The following ZFHX4 variants were observed in gnomAD, a reference collection of about 807,000 sequenced individuals.
ZFHX4 encodes the protein zinc finger homeobox 4.
Under a neutral mutation model 267.6 loss-of-function variants are expected in ZFHX4, and 56 were observed. That is an observed-to-expected ratio of 0.21 (90% CI 0.17 to 0.26). The LOEUF is 0.26. Ranked by LOEUF, ZFHX4 falls within the 10% of genes least tolerant of loss-of-function variation. The pLI, the probability that ZFHX4 is intolerant of heterozygous loss-of-function variation, is 1.00. For synonymous variants in ZFHX4, 1,778 were observed against 1,665.6 expected, an observed-to-expected ratio of 1.07 and a Z score of -1.64; for missense variants, 4,332 against 4,420.0, an observed-to-expected ratio of 0.98 and a Z score of 0.56.
At chr8:76,862,146 T>C (rs186301836) in intron 10 of ZFHX4, among the ~76,000 whole-genome samples, 286 of 152,316 alleles carry the variant, frequency 1.9e-3, no homozygotes, top group African/African-American at 6.1e-3. Context: ...ATCTAGCTCA[T>C]AAAAATGGCT....
chr8:76,793,004 C>A (rs553613871), intron 4 of ZFHX4, among the ~76,000 whole-genome samples: 2 of 152,122 alleles, frequency 1.3e-5, no homozygotes, highest in African/African-American at 2.4e-5. Context: ...CTGACTCCAG[C>A]CATTACTGAA....
intron 6 of ZFHX4, among the ~76,000 whole-genome samples, chr8:76,846,109 A>T (rs1395828212): frequency 6.6e-6 from 1 of 151,992 alleles, no homozygotes; most frequent in Admixed American, 6.6e-5. Context: ...TAGAAAAGAG[A>T]CCCCAGAGTT....
chr8:76,811,376 T>A lies in ZFHX4; in HGVS notation c.3326-21962T>A, dbSNP rs189612976. 7.9e-5 allele frequency among the ~76,000 whole-genome samples: 12 copies of A among 152,364 alleles called. No homozygotes were observed. The East Asian group carries it at 2.1e-3, about 27-fold the overall frequency. On this transcript the variant is annotated intron_variant, in intron 4 of 10. Coordinates refer to ENST00000651372, the MANE Select transcript of ZFHX4 (RefSeq NM_024721.5). ...ATAACTAATGTGCACTATTTGACTG[T>A]CCATGTATGTATGAGGTTGTACTAC...
At chr8:76,712,380 A>G (rs1808449024) in intron 3 of ZFHX4, among the ~76,000 whole-genome samples, 1 of 152,222 alleles carries the variant, frequency 6.6e-6, no homozygotes, top group Non-Finnish European at 1.5e-5. Context: ...AATTAGGTTC[A>G]TCTACCTTTT....
intron 3 of ZFHX4, among the ~76,000 whole-genome samples, chr8:76,738,336 T>G (rs535211061): frequency 6.8e-4 from 104 of 152,240 alleles, no homozygotes; most frequent in Middle Eastern, 3.4e-3. Context: ...ACATCATTAT[T>G]CAGTAAGTGT....
intron 4 of ZFHX4, among the ~76,000 whole-genome samples, chr8:76,821,338 G>GT (rs975748004): frequency 6.6e-6 from 1 of 152,060 alleles, no homozygotes; most frequent in Non-Finnish European, 1.5e-5. Flanking sequence ...GACATCTCCA[G>GT]TTTTTTCATC....
intron 3 of ZFHX4, among the ~76,000 whole-genome samples, chr8:76,770,941 C>CAG (rs1393334739): frequency 6.6e-6 from 1 of 152,088 alleles, no homozygotes; most frequent in Non-Finnish European, 1.5e-5. Flanking sequence ...CATCATCATG[C>CAG]AGGGCCCTTA....
chr8:76,723,723 A>G (rs1808782494), intron 3 of ZFHX4, among the ~76,000 whole-genome samples: 1 of 151,980 alleles, frequency 6.6e-6, no homozygotes, highest in Non-Finnish European at 1.5e-5. Context: ...AAAGCATTAA[A>G]CATATACTCA....
intron 3 of ZFHX4, among the ~76,000 whole-genome samples, chr8:76,751,895 C>T (rs1372012094): frequency 2.0e-5 from 3 of 152,060 alleles, no homozygotes; most frequent in African/African-American, 4.8e-5. Context: ...GGTCATCAAC[C>T]GCATGCAAGG....
At position 76,706,655 on chromosome 8, in the gene ZFHX4, C is replaced by A; in HGVS notation, c.2567C>A (p.Ala856Glu). 1 of 1,593,512 alleles carries A rather than the reference C, an allele frequency of 6.3e-7. No homozygotes were observed. The highest frequency in any genetic ancestry group is 8.5e-7 in the Non-Finnish European group (1 of 1,172,002). ...CCATTCCAGCTGGATCCAGCGACAGCAGCGGCTTTGGCACCAGGGCTCGGT... is the reference window on the plus strand; with the variant it reads ...CCATTCCAGCTGGATCCAGCGACAGAAGCGGCTTTGGCACCAGGGCTCGGT... ...INPFQLDPAT[A>E]AALAPGLVNN... is the part of the protein sequence containing the mutation. Residue 856 changes from alanine (A) to glutamate (E), a missense_variant, in exon 2 of 11, where the codon GCA becomes GAA. Transcript: ENST00000651372.
intron 3 of ZFHX4, among the ~76,000 whole-genome samples, chr8:76,772,567 A>G (rs1349950662): frequency 6.6e-6 from 1 of 152,006 alleles, no homozygotes; most frequent in Non-Finnish European, 1.5e-5. Flanking sequence ...TTTTGACTGT[A>G]TTTTGACTCC....
chr8:76,767,509 T>C (rs1810082608), intron 3 of ZFHX4, among the ~76,000 whole-genome samples: 2 of 152,258 alleles, frequency 1.3e-5, no homozygotes, highest in South Asian at 2.1e-4. Context: ...ATTGAAGTCA[T>C]CTTAGAGACC....
intron 5 of ZFHX4, among the ~76,000 whole-genome samples, chr8:76,838,180 G>T (rs1052341663): frequency 6.6e-6 from 1 of 152,170 alleles, no homozygotes; most frequent in Admixed American, 6.5e-5. Flanking sequence ...TTGAACGGTG[G>T]TTACAAAATG....
intron 10 of ZFHX4, among the ~76,000 whole-genome samples, 180 bp from the exon 11 acceptor site, chr8:76,862,914 T>A (rs1402045928): frequency 6.6e-6 from 1 of 152,158 alleles, no homozygotes; most frequent in East Asian, 1.9e-4. Context: ...AGAAATATTA[T>A]AAACACAGGA....
chr8:76,702,940 C>G (rs1311160451), intron 1 of ZFHX4, among the ~76,000 whole-genome samples: 2 of 151,376 alleles, frequency 1.3e-5, no homozygotes, highest in African/African-American at 4.9e-5. Flanking sequence ...ACTGCTATTA[C>G]AGTAGCTGAG....
intron 4 of ZFHX4, 150 bp from the exon 5 acceptor site, chr8:76,833,188 C>G (rs970388489): frequency 1.5e-5 from 9 of 586,912 alleles, no homozygotes; most frequent in African/African-American, 5.7e-5. Flanking sequence ...CTGCTGCTCA[C>G]TAGGATATAA....
intron 3 of ZFHX4, among the ~76,000 whole-genome samples, chr8:76,743,196 A>C (rs1203003001): frequency 6.6e-6 from 1 of 152,196 alleles, no homozygotes; most frequent in Non-Finnish European, 1.5e-5. Flanking sequence ...TCAGGCCTTC[A>C]GATTGAATCT....
chr8:76,751,882 G>A (rs2131707865), intron 3 of ZFHX4, among the ~76,000 whole-genome samples: 1 of 152,260 alleles, frequency 6.6e-6, no homozygotes, highest in East Asian at 1.9e-4. Flanking sequence ...AGTATCCTAA[G>A]GTGGTCATCA....
At chr8:76,710,945 T>C (rs995962314) in intron 3 of ZFHX4, among the ~76,000 whole-genome samples, 1 of 152,140 alleles carries the variant, frequency 6.6e-6, no homozygotes, top group Non-Finnish European at 1.5e-5. Context: ...TTTAATATAT[T>C]TGGCAGGATT....
Sources: allele counts gnomAD v4.1 joint callset (sites outside exome capture counted in the v4.1 genomes callset), GRCh38; gene constraint gnomAD v4.1.1; transcripts MANE v1.5; gene names NCBI Gene and HGNC (gene_info 2026-07-23, HGNC 2026-07-21).